The following SCHIP1 variants were observed in gnomAD, a reference collection of about 807,000 sequenced individuals.
SCHIP1 encodes schwannomin-interacting protein 1.
Under a neutral mutation model 29.7 loss-of-function variants are expected in SCHIP1, and 8 were observed. That is an observed-to-expected ratio of 0.27 (90% CI 0.16 to 0.49). The LOEUF (loss-of-function observed/expected upper bound fraction) is 0.49, where lower values mean the gene tolerates loss of function less well. SCHIP1 is among the 20% of genes least tolerant of loss of function. SCHIP1 has a pLI of 0.99. For missense variants in SCHIP1, 193 were observed against 294.6 expected, an observed-to-expected ratio of 0.66 and a Z score of 2.52; for synonymous variants, 76 against 94.9, an observed-to-expected ratio of 0.80 and a Z score of 1.16.
At chr3:159,425,413 T>G in the SCHIP1 span, among the ~76,000 whole-genome samples, 1 of 150,940 alleles carries the variant, frequency 6.6e-6, no homozygotes, top group Non-Finnish European at 1.5e-5. Flanking sequence ...TAAAACAGAC[T>G]TTAAACCAAC....
chr3:159,768,137 T>C, the SCHIP1 span, among the ~76,000 whole-genome samples: 1 of 152,158 alleles, frequency 6.6e-6, no homozygotes, highest in Non-Finnish European at 1.5e-5. Flanking sequence ...GACACCAGAC[T>C]AGTTCCCCGC....
chr3:159,816,860 T>G, the SCHIP1 span, among the ~76,000 whole-genome samples: 1 of 138,896 alleles, frequency 7.2e-6, no homozygotes, highest in African/African-American at 2.5e-5. Flanking sequence ...TTGTCCACTC[T>G]ATCTCTTTCT....
chr3:159,606,684 C>T, the SCHIP1 span, among the ~76,000 whole-genome samples: 1 of 152,144 alleles, frequency 6.6e-6, no homozygotes, highest in Non-Finnish European at 1.5e-5. Flanking sequence ...GAGGAGGAAG[C>T]AGGCTAGCCA....
chr3:159,869,759 G>A (rs1228132644), intron 2 of SCHIP1, among the ~76,000 whole-genome samples: 1 of 151,412 alleles, frequency 6.6e-6, no homozygotes, highest in Non-Finnish European at 1.5e-5. Flanking sequence ...TTGGAATTTT[G>A]ACTGTAATTG....
At chr3:159,385,590 C>CAAA in the SCHIP1 span, among the ~76,000 whole-genome samples, 1 of 130,578 alleles carries the variant, frequency 7.7e-6, no homozygotes, top group South Asian at 2.4e-4. Context: ...AAAAAAAAAC[C>CAAA]AAAAAAAAAA....
At chr3:159,529,482 G>A in the SCHIP1 span, among the ~76,000 whole-genome samples, 1 of 151,932 alleles carries the variant, frequency 6.6e-6, no homozygotes, top group Admixed American at 6.6e-5. Context: ...TTTAAGTTAT[G>A]GATACATAAT....
the SCHIP1 span, chr3:159,274,072 A>C: frequency 3.1e-6 from 3 of 982,694 alleles, no homozygotes; most frequent in South Asian, 4.7e-5. Context: ...TTCTCATTGC[A>C]TAGTTAGTAT....
At chr3:159,725,426 AC>A in the SCHIP1 span, among the ~76,000 whole-genome samples, 1 of 151,824 alleles carries the variant, frequency 6.6e-6, no homozygotes, top group African/African-American at 2.4e-5. Flanking sequence ...ATGCCACTGC[AC>A]CCAGCTAATT....
At chr3:159,509,620 C>T in the SCHIP1 span, among the ~76,000 whole-genome samples, 1 of 152,136 alleles carries the variant, frequency 6.6e-6, no homozygotes, top group Admixed American at 6.5e-5. Flanking sequence ...TGTTCCTTTC[C>T]ACGTTTAGTA....
chr3:159,770,957 T>C, the SCHIP1 span, among the ~76,000 whole-genome samples: 1 of 152,242 alleles, frequency 6.6e-6, no homozygotes, highest in African/African-American at 2.4e-5. Context: ...TATTATTTTT[T>C]AGTGCCTCTG....
chr3:159,417,091 C>T, the SCHIP1 span, among the ~76,000 whole-genome samples: 6 of 152,310 alleles, frequency 3.9e-5, no homozygotes, highest in East Asian at 5.8e-4. Context: ...AGAAAGCTTC[C>T]GCAGCACTGG....
chr3:159,533,161 A>G, the SCHIP1 span, among the ~76,000 whole-genome samples: 1 of 152,086 alleles, frequency 6.6e-6, no homozygotes, highest in Non-Finnish European at 1.5e-5. Flanking sequence ...AAAAGAGCAC[A>G]TGGCAAAGGA....
the SCHIP1 span, among the ~76,000 whole-genome samples, chr3:159,339,875 C>T: frequency 1.3e-5 from 2 of 151,998 alleles, no homozygotes; most frequent in Non-Finnish European, 2.9e-5. Context: ...CTCATCCACT[C>T]AAAATTTAAT....
chr3:159,598,601 T>C, the SCHIP1 span, among the ~76,000 whole-genome samples: 15 of 152,302 alleles, frequency 9.8e-5, no homozygotes, highest in Middle Eastern at 0.01. Context: ...GCTTCTGTGA[T>C]TTTAGCAGGT....
At chr3:159,606,974 A>G in the SCHIP1 span, among the ~76,000 whole-genome samples, 9 of 152,352 alleles carry the variant, frequency 5.9e-5, 1 homozygote, top group South Asian at 1.9e-3. Context: ...GAAGACTCAC[A>G]CAAAACAAAT....
the SCHIP1 span, among the ~76,000 whole-genome samples, chr3:159,331,894 T>C: frequency 6.6e-6 from 1 of 152,272 alleles, no homozygotes; most frequent in Admixed American, 6.5e-5. Flanking sequence ...TTCATGGTTT[T>C]ATATCATCCC....
the SCHIP1 span, among the ~76,000 whole-genome samples, chr3:159,405,252 G>A: frequency 6.6e-6 from 1 of 152,102 alleles, no homozygotes; most frequent in African/African-American, 2.4e-5. Flanking sequence ...ATATCTACAA[G>A]CATCAAGATC....
the SCHIP1 span, among the ~76,000 whole-genome samples, chr3:159,578,070 G>C: frequency 3.3e-5 from 5 of 152,152 alleles, no homozygotes; most frequent in African/African-American, 7.2e-5. Context: ...CGGTTTTGGG[G>C]GGGTGGAAGG....
chr3:159,653,534 C>T, the SCHIP1 span, among the ~76,000 whole-genome samples: 1 of 122,666 alleles, frequency 8.2e-6, no homozygotes, highest in African/African-American at 3.2e-5. Context: ...GGGAGTTGAA[C>T]AATGAGAACA....
Sources: gnomAD v4.1 joint callset for allele counts (sites outside exome capture counted in the v4.1 genomes callset) on GRCh38, gnomAD v4.1.1 for gene constraint, MANE v1.5 for transcripts, NCBI Gene and HGNC (gene_info 2026-07-23, HGNC 2026-07-21) for gene names.